Variants in SLC35D1 observed in about 807,000 individuals in gnomAD.
The protein encoded by SLC35D1 is nucleotide sugar transporter SLC35D1.
In SLC35D1, 31 loss-of-function variants were observed where a neutral mutation model predicts 46.7. The observed-to-expected ratio is 0.66, with a 90% CI of 0.50 to 0.90. The LOEUF (loss-of-function observed/expected upper bound fraction) is 0.90. SLC35D1 is among the 40% of genes least tolerant of loss of function. The pLI, the probability that SLC35D1 is intolerant of heterozygous loss-of-function variation, is 0.00. For missense variants in SLC35D1, 397 were observed against 426.2 expected, an observed-to-expected ratio of 0.93 and a Z score of 0.60; for synonymous variants, 195 against 164.6, an observed-to-expected ratio of 1.18 and a Z score of -1.41.
chr1:66,985,332 T>C, the SLC35D1 span: 2 of 985,530 alleles, frequency 2.0e-6, no homozygotes, highest in Non-Finnish European at 2.4e-6. Flanking sequence ...TACCAATTTC[T>C]CTGAGTTTCT....
intron 7 of SLC35D1, among the ~76,000 whole-genome samples, chr1:67,045,278 C>T (rs1396048538): frequency 2.0e-5 from 3 of 152,224 alleles, no homozygotes; most frequent in Non-Finnish European, 4.4e-5. Flanking sequence ...AGATTTAGGG[C>T]ATCATCATAA....
intron 9 of SLC35D1, 110 bp from the exon 10 acceptor site, chr1:67,020,557 T>G: frequency 1.3e-6 from 1 of 794,134 alleles, no homozygotes; most frequent in South Asian, 1.4e-5. Flanking sequence ...ACTGACCAGC[T>G]ATGAATTTTC....
Position 67,021,595 on chromosome 1 carries a change from T to G in SLC35D1, c.737A>C (p.Glu246Ala). ...GAGGGTGTCAGCCCAGCCTTCAAAC[T>G]CCACAGCCTGCAACACACAAGAAAG... ...YFTGDAQKAV[E>A]FEGWADTLFL... Residue 246 changes from glutamate (E) to alanine (A), a missense_variant, in exon 9 of 12, where the codon GAG becomes GCG. Coordinates refer to ENST00000235345, the MANE Select transcript of SLC35D1 (RefSeq NM_015139.3). 1 of 1,613,840 alleles carries G rather than the reference T, an allele frequency of 6.2e-7. No homozygotes were observed. The highest frequency in any genetic ancestry group is 8.5e-7 in the Non-Finnish European group (1 of 1,179,884).
At position 67,051,558 on chromosome 1, in the gene SLC35D1, C is replaced by G. The variant is rs563635154; in HGVS notation, c.392+454G>C. Among the ~76,000 whole-genome samples the G allele has an allele frequency of 5.3e-5, 8 of 152,250 alleles. 1 individual carries two copies. The South Asian group carries it at 1.4e-3, about 28-fold the overall frequency. On this transcript the variant is annotated intron_variant, in intron 4 of 11. Coordinates refer to ENST00000235345, the MANE Select transcript of SLC35D1 (RefSeq NM_015139.3). Reference sequence around the variant, plus strand: ...TATTAATAATATTTTTATCAGGGTTCTAGCTGATGTTACCTTACTTCACAT... The same window carrying G: ...TATTAATAATATTTTTATCAGGGTTGTAGCTGATGTTACCTTACTTCACAT...
downstream of SLC35D1, among the ~76,000 whole-genome samples, chr1:66,996,619 T>C (rs1320077959): frequency 2.6e-5 from 4 of 152,192 alleles, no homozygotes; most frequent in Non-Finnish European, 5.9e-5. Context: ...TGAACCAATG[T>C]ATACATAGGC....
intron 11 of SLC35D1, among the ~76,000 whole-genome samples, chr1:67,008,667 G>A (rs946854008): frequency 4.6e-5 from 7 of 152,012 alleles, no homozygotes; most frequent in African/African-American, 9.7e-5. Flanking sequence ...ATTAGCCCCC[G>A]ACAATGAGAT....
chr1:66,995,010 CCTTTT>C (rs1667223526), downstream of SLC35D1, among the ~76,000 whole-genome samples: 1 of 151,832 alleles, frequency 6.6e-6, no homozygotes, highest in South Asian at 2.1e-4. Context: ...AACTCAAATC[CCTTTT>C]CTTTTCTATG....
intron 10 of SLC35D1, among the ~76,000 whole-genome samples, chr1:67,018,907 A>T (rs1667739202): frequency 6.6e-6 from 1 of 152,192 alleles, no homozygotes; most frequent in South Asian, 2.1e-4. Flanking sequence ...CAACAGTGAT[A>T]CCCTGCACCA....
intron 8 of SLC35D1, 110 bp from the exon 9 acceptor site, chr1:67,021,712 G>GAC (rs1238454225): frequency 7.4e-5 from 26 of 353,452 alleles, no homozygotes; most frequent in African/African-American, 5.7e-4. Context: ...CACAGACACA[G>GAC]ACACAGACAC....
the SLC35D1 span, among the ~76,000 whole-genome samples, chr1:66,982,532 AAG>A: frequency 1.3e-5 from 2 of 152,204 alleles, no homozygotes; most frequent in Admixed American, 6.5e-5. Context: ...GATCAGTAGT[AAG>A]AGCCAGAGAA....
chr1:67,026,013 T>C (rs1335663730), intron 8 of SLC35D1, among the ~76,000 whole-genome samples: 1 of 152,192 alleles, frequency 6.6e-6, no homozygotes, highest in Non-Finnish European at 1.5e-5. Context: ...TTCAAATCTA[T>C]ATTATACAGA....
the SLC35D1 span, among the ~76,000 whole-genome samples, chr1:66,980,326 CCCTT>C: frequency 6.6e-6 from 1 of 152,120 alleles, no homozygotes; most frequent in African/African-American, 2.4e-5. Context: ...TAATTGAATT[CCCTT>C]CATTTATAGA....
Position 67,020,868 on chromosome 1 carries a change from A to G in SLC35D1, c.798-421T>C, listed in dbSNP as rs537143971. Among the ~76,000 whole-genome samples, 4 of 152,290 alleles carry G rather than the reference A, an allele frequency of 2.6e-5. No homozygotes were observed. In the East Asian group the frequency reaches 7.7e-4, roughly 29 times the overall value. On this transcript the variant is annotated intron_variant, in intron 9 of 11. Transcript: ENST00000235345. ...CTTAAATATTGAAGAAAACCAAATT[A>G]AAACTACTTTAAGAGGGGATACAGG...
At chr1:67,019,655 G>A (rs538302244) in intron 10 of SLC35D1, among the ~76,000 whole-genome samples, 3 of 152,120 alleles carry the variant, frequency 2.0e-5, no homozygotes, top group Non-Finnish European at 2.9e-5. Flanking sequence ...TTCCCCAAAC[G>A]TTAAGGACCT....
At chr1:66,992,270 G>T in the SLC35D1 span, among the ~76,000 whole-genome samples, 3 of 152,190 alleles carry the variant, frequency 2.0e-5, no homozygotes, top group African/African-American at 7.2e-5. Flanking sequence ...AATTTTTGCT[G>T]GTGCTCACTT....
intron 10 of SLC35D1, among the ~76,000 whole-genome samples, chr1:67,010,186 G>A (rs1667535067): frequency 6.6e-6 from 1 of 152,140 alleles, no homozygotes; most frequent in Admixed American, 6.5e-5. Context: ...GGCTGCTTGA[G>A]GTGGGAGGGT....
intron 10 of SLC35D1, among the ~76,000 whole-genome samples, chr1:67,011,221 T>C (rs1476427844): frequency 1.3e-5 from 2 of 152,180 alleles, no homozygotes; most frequent in African/African-American, 2.4e-5. Flanking sequence ...ATCAATAAAT[T>C]AGATACCTTT....
rs1462918063 is a variant in SLC35D1, at chr1:67,020,411, C to G, written c.834G>C (p.Gln278His). The G allele has an allele frequency of 2.5e-6, 4 of 1,611,146 alleles. No individual in the cohort carries two copies. In the African/African-American group the frequency reaches 5.3e-5, roughly 22 times the overall value. ...TTGTAGTTGTAAGAGCAGAATTATA[C>G]TGCGTGCAGAGTACTGTGGCGTACA... ...ILMYATVLCTQYNSALTTTIV... is the reference protein window; with the variant it reads ...ILMYATVLCTHYNSALTTTIV... Residue 278 changes from glutamine to histidine, a missense_variant, in exon 10 of 12, where the codon CAG becomes CAC. Coordinates refer to ENST00000235345, the MANE Select transcript of SLC35D1 (RefSeq NM_015139.3).
the SLC35D1 span, among the ~76,000 whole-genome samples, chr1:66,974,677 G>A: frequency 6.6e-6 from 1 of 152,086 alleles, no homozygotes; most frequent in Non-Finnish European, 1.5e-5. Flanking sequence ...ATTTGGGACA[G>A]TGGCATTTAA....
Sources: gnomAD v4.1 joint callset for allele counts (sites outside exome capture counted in the v4.1 genomes callset) on GRCh38, gnomAD v4.1.1 for gene constraint, MANE v1.5 for transcripts, NCBI Gene and HGNC (gene_info 2026-07-23, HGNC 2026-07-21) for gene names.